The following SDK1 variants were observed in gnomAD, a reference collection of about 807,000 sequenced individuals.
SDK1 encodes the protein protein sidekick-1.
SDK1 carries 157 observed loss-of-function variants against 245.5 expected under a neutral mutation model. The observed-to-expected ratio is 0.64, with a 90% CI of 0.56 to 0.73. The LOEUF (loss-of-function observed/expected upper bound fraction) is 0.73, where lower values mean the gene tolerates loss of function less well. Ranked by LOEUF, SDK1 falls within the 30% of genes least tolerant of loss-of-function variation. The pLI, the probability that SDK1 is intolerant of heterozygous loss-of-function variation, is 0.00. For synonymous variants in SDK1, 1,647 were observed against 1,278.5 expected (o/e 1.29, Z -6.15); for missense variants, 3,583 against 3,002.3 (o/e 1.19, Z -4.52).
intron 5 of SDK1, among the ~76,000 whole-genome samples, chr7:3,858,666 G>T (rs544212930): frequency 2.0e-5 from 3 of 151,984 alleles, no homozygotes; most frequent in African/African-American, 7.2e-5. Flanking sequence ...CTTCTAGGAA[G>T]CACAAGTCCC....
chr7:3,798,281 G>T (rs1462492292), intron 4 of SDK1, among the ~76,000 whole-genome samples: 1 of 141,074 alleles, frequency 7.1e-6, no homozygotes, highest in East Asian at 2.2e-4. Flanking sequence ...GCAGTGGCGC[G>T]ATCTCAGCTC....
chr7:4,258,805 C>G (rs561309414), intron 44 of SDK1, among the ~76,000 whole-genome samples: 1 of 152,178 alleles, frequency 6.6e-6, no homozygotes, highest in Non-Finnish European at 1.5e-5. Context: ...GGGTGAAAGT[C>G]TTGAACCTCA....
chr7:4,051,141 A>G (rs1789438555), intron 18 of SDK1, among the ~76,000 whole-genome samples: 2 of 140,096 alleles, frequency 1.4e-5, no homozygotes, highest in African/African-American at 5.3e-5. Flanking sequence ...TATATAATAT[A>G]TGTATAATAT....
At position 4,268,776 on chromosome 7, in the gene SDK1, A is replaced by G; in HGVS notation, c.*3392A>G. Reference sequence around the variant, plus strand: ...CATGGATCCAGTCTGAAAGGTGAGGACAACGTGGAAACTCATGAGCTGAGC... The same window carrying G: ...CATGGATCCAGTCTGAAAGGTGAGGGCAACGTGGAAACTCATGAGCTGAGC... On this transcript the variant is annotated 3_prime_UTR_variant, in exon 45 of 45. Coordinates refer to ENST00000404826, the MANE Select transcript of SDK1 (RefSeq NM_152744.4). 1 of 1,363,926 alleles carries G rather than the reference A, an allele frequency of 7.3e-7. No homozygotes were observed. The allele number at this position is 1,363,926 out of a possible 1,614,324, so 84.5% of individuals were successfully genotyped here.
At position 4,247,216 on chromosome 7, in the gene SDK1, A is replaced by G. The variant is rs185719644; in HGVS notation, c.6381+1411A>G. On this transcript the variant is annotated intron_variant, in intron 44 of 44. Transcript: ENST00000404826. ...AGGCCTTATTGAGCCCCGGGGCTCT[A>G]TCGAATGGCTTCTTTTCAACTGTGG... Among the ~76,000 whole-genome samples the G allele has an allele frequency of 6.6e-5, 10 of 152,286 alleles. No homozygotes were observed. In the East Asian group the frequency reaches 1.4e-3, roughly 21 times the overall value.
In SDK1 at chr7:3,364,985, G is replaced by A. The variant is rs550107810; in HGVS notation, c.298+63101G>A. On this transcript the variant is annotated intron_variant, in intron 1 of 44. Transcript: ENST00000404826. The stretch of plus-strand genomic sequence containing the variant: ...AGTATATGAGTCCTGTACATGTTTC[G>A]GTAGCTTTACACTTAAGAACTTAAT... Among the ~76,000 whole-genome samples, 34 of 152,208 alleles carry A rather than the reference G, an allele frequency of 2.2e-4. No homozygotes were observed. In the South Asian group the frequency reaches 5.2e-3, roughly 23 times the overall value.
intron 32 of SDK1, among the ~76,000 whole-genome samples, chr7:4,168,537 A>G (rs1230113745): frequency 6.6e-6 from 1 of 152,080 alleles, no homozygotes; most frequent in Non-Finnish European, 1.5e-5. Context: ...CCAACCTCCT[A>G]ACTTCCTGCT....
At chr7:3,543,217 G>C (rs559570537) in intron 1 of SDK1, among the ~76,000 whole-genome samples, 2 of 152,356 alleles carry the variant, frequency 1.3e-5, no homozygotes, top group East Asian at 3.9e-4. Flanking sequence ...AGATGTTACT[G>C]TAGAGAACTT....
At chr7:4,017,079 A>G (rs1441256212) in intron 16 of SDK1, 92 bp from the exon 17 acceptor site, 19 of 1,260,928 alleles carry the variant, frequency 1.5e-5, no homozygotes, top group Non-Finnish European at 1.9e-5. Context: ...ATTTACTTCC[A>G]TTTCCCCCTA....
At chr7:4,072,545 T>G (rs1437005502) in intron 20 of SDK1, among the ~76,000 whole-genome samples, 2 of 152,192 alleles carry the variant, frequency 1.3e-5, no homozygotes, top group Admixed American at 6.5e-5. Context: ...AGTTTTCCAG[T>G]GGAACATGCT....
At chr7:4,038,119 C>T (rs2128160986) in intron 17 of SDK1, among the ~76,000 whole-genome samples, 1 of 152,270 alleles carries the variant, frequency 6.6e-6, no homozygotes, top group South Asian at 2.1e-4. Context: ...TCCCATGGGT[C>T]ATCCTGTGGC....
chr7:3,545,647 G>T (rs984912646), intron 1 of SDK1, among the ~76,000 whole-genome samples: 1 of 152,186 alleles, frequency 6.6e-6, no homozygotes, highest in Non-Finnish European at 1.5e-5. Context: ...CCTCTGCTAT[G>T]GTGCCCATGT....
chr7:3,959,877 A>G (rs913628072), intron 8 of SDK1, among the ~76,000 whole-genome samples: 2 of 151,676 alleles, frequency 1.3e-5, no homozygotes, highest in Admixed American at 6.6e-5. Context: ...TGCTTCAATT[A>G]CAAGCTGCCC....
At chr7:4,062,877 C>G (rs1044443659) in intron 19 of SDK1, among the ~76,000 whole-genome samples, 2 of 152,124 alleles carry the variant, frequency 1.3e-5, no homozygotes, top group African/African-American at 4.8e-5. Flanking sequence ...TCAACAGATG[C>G]ATAAAAAGCA....
chr7:3,816,610 T>C (rs1377431552), intron 4 of SDK1, among the ~76,000 whole-genome samples: 1 of 152,028 alleles, frequency 6.6e-6, no homozygotes, highest in Non-Finnish European at 1.5e-5. Flanking sequence ...ATCAATAGTT[T>C]ACCAACCAAA....
intron 1 of SDK1, among the ~76,000 whole-genome samples, chr7:3,485,604 T>A (rs2128603445): frequency 6.6e-6 from 1 of 151,590 alleles, no homozygotes; most frequent in East Asian, 1.9e-4. Flanking sequence ...CCATCTGATT[T>A]TTAGCTGTTA....
rs1239043987 is a variant in SDK1 at position 3,301,606 on chromosome 7, C to T, written c.20C>T (p.Pro7Leu). The T allele has an allele frequency of 1.0e-6, 1 of 976,238 alleles. No homozygotes were observed. The highest frequency in any genetic ancestry group is 1.2e-6 in the Non-Finnish European group (1 of 825,466). The allele number at this position is 976,238 out of a possible 1,614,324, so 60.5% of individuals were successfully genotyped here. A position where few individuals can be genotyped will look rare whatever the true frequency, so the allele number is the denominator to read the frequency against. ...CTCGGCATGGCCCGGGGCGCCCGGC[C>T]CTCGGCGGCCGGTGGCGGCGGCGGC... MARGARPSAAGGGGGGA... is the reference protein window; with the variant it reads MARGARLSAAGGGGGGA... Residue 7 changes from proline (P) to leucine (L), a missense_variant, in exon 1 of 45, where the codon CCC becomes CTC. By Grantham distance (98) the Pro-to-Leu change is moderately conservative. Coordinates refer to ENST00000404826, the MANE Select transcript of SDK1 (RefSeq NM_152744.4).
intron 1 of SDK1, among the ~76,000 whole-genome samples, chr7:3,315,081 G>A (rs1779633434): frequency 6.6e-6 from 1 of 152,098 alleles, no homozygotes; most frequent in Admixed American, 6.5e-5. Context: ...CAAATGATGA[G>A]GACCTGAATG....
chr7:3,353,351 A>G (rs1376643837), intron 1 of SDK1, among the ~76,000 whole-genome samples: 1 of 152,206 alleles, frequency 6.6e-6, no homozygotes, highest in African/African-American at 2.4e-5. Context: ...AAAAGTTGCT[A>G]TAACCTTAGT....
Sources: allele counts gnomAD v4.1 joint callset (sites outside exome capture counted in the v4.1 genomes callset), GRCh38; gene constraint gnomAD v4.1.1; transcripts MANE v1.5; gene names NCBI Gene and HGNC (gene_info 2026-07-23, HGNC 2026-07-21).